Variants in PARP1 observed in about 807,000 individuals in gnomAD.
PARP1 encodes the protein poly(ADP-ribose) polymerase 1, also known as poly [ADP-ribose] polymerase 1.
Under a neutral mutation model 118.7 loss-of-function variants are expected in PARP1, and 44 were observed. That is an observed-to-expected ratio of 0.37 (90% confidence interval 0.29 to 0.48). PARP1 has a LOEUF of 0.48. PARP1 is among the 20% of genes least tolerant of loss of function. PARP1 has a pLI of 0.99. For missense variants in PARP1, 1,100 were observed against 1,272.4 expected, an observed-to-expected ratio of 0.86 and a Z score of 2.06; for synonymous variants, 492 against 483.2, an observed-to-expected ratio of 1.02 and a Z score of -0.24.
At chr1:226,369,635 A>C (rs1220826451) in intron 15 of PARP1, among the ~76,000 whole-genome samples, 1 of 152,160 alleles carries the variant, frequency 6.6e-6, no homozygotes, top group Non-Finnish European at 1.5e-5. Flanking sequence ...TGCAGTTGAG[A>C]ATTCAACCAA....
intron 8 of PARP1, among the ~76,000 whole-genome samples, chr1:226,382,621 G>A (rs1279433590): frequency 6.6e-6 from 1 of 152,176 alleles, no homozygotes; most frequent in African/African-American, 2.4e-5. Context: ...TGACCTCCCA[G>A]GCTCAAGGGA....
intron 11 of PARP1, 90 bp downstream of exon 11, chr1:226,379,483 G>T: frequency 8.4e-7 from 1 of 1,185,418 alleles, no homozygotes; most frequent in Non-Finnish European, 1.3e-6. Flanking sequence ...ACTGCCCCAG[G>T]TATGCTGCGG....
chr1:226,374,764 T>G (rs935241263), intron 13 of PARP1, among the ~76,000 whole-genome samples: 2 of 152,190 alleles, frequency 1.3e-5, no homozygotes, highest in African/African-American at 4.8e-5. Flanking sequence ...TCCTTCTCTT[T>G]TCTCTTACAC....
In PARP1 at chr1:226,373,816, G is replaced by A. The variant is rs3219108; in HGVS notation, c.2070+410C>T. Among the ~76,000 whole-genome samples, 17 of 152,254 alleles carry A rather than the reference G, an allele frequency of 1.1e-4. No individual in the cohort carries two copies. The East Asian group carries it at 3.3e-3, about 29-fold the overall frequency. On this transcript the variant is annotated intron_variant, in intron 14 of 22. Coordinates refer to ENST00000366794, the MANE Select transcript of PARP1 (RefSeq NM_001618.4). ...ATACACCTTGCCACAGCATGAAGAAGGGGAAAAATACAAAGGGTGGGCCGG... is the reference window on the plus strand; with the variant it reads ...ATACACCTTGCCACAGCATGAAGAAAGGGAAAAATACAAAGGGTGGGCCGG...
intron 2 of PARP1, 74 bp from the exon 3 acceptor site, chr1:226,392,388 C>T (rs1022687918): frequency 9.9e-7 from 1 of 1,007,588 alleles, no homozygotes; most frequent in Non-Finnish European, 1.6e-6. Flanking sequence ...CCGTCCTCTT[C>T]TACCTCCCCA....
chr1:226,383,023 C>T lies in PARP1; in HGVS notation c.1159+13G>A. ...GCAAAGCAGCTCTAAGACCGGGGTC[C>T]CAAATGCTGTACCTGCTGAAGCAGA... On this transcript the variant is annotated intron_variant, in intron 8 of 22. Coordinates refer to ENST00000366794, the MANE Select transcript of PARP1 (RefSeq NM_001618.4). The T allele has an allele frequency of 6.8e-6, 11 of 1,612,548 alleles. No homozygotes were observed. The highest frequency in any genetic ancestry group is 9.3e-6 in the Non-Finnish European group (11 of 1,179,882).
chr1:226,374,380 G>A (rs2102732469), intron 13 of PARP1, 26 bp from the exon 14 acceptor site: 1 of 1,614,148 alleles, frequency 6.2e-7, no homozygotes, highest in Non-Finnish European at 8.5e-7. Flanking sequence ...ACATTGCTAA[G>A]AGACCCAAAT....
At chr1:226,367,145 C>A in intron 17 of PARP1, 1 of 368,678 alleles carries the variant, frequency 2.7e-6, no homozygotes, top group Non-Finnish European at 5.2e-6. Flanking sequence ...AAAAACAGAG[C>A]TCCTCTCTAG....
intron 1 of PARP1, among the ~76,000 whole-genome samples, chr1:226,405,629 T>G (rs151026927): frequency 6.6e-6 from 1 of 151,936 alleles, no homozygotes; most frequent in African/African-American, 2.4e-5. Context: ...CTTGATCAGG[T>G]TCAGTTTCCT....
At chr1:226,388,859 G>T in intron 4 of PARP1, 104 bp from the exon 5 acceptor site, 1 of 884,358 alleles carries the variant, frequency 1.1e-6, no homozygotes, top group Non-Finnish European at 1.9e-6. Context: ...TCAACTCCCT[G>T]TAGGGCCTAC....
At chr1:226,391,414 T>A (rs1664817797) in intron 3 of PARP1, among the ~76,000 whole-genome samples, 1 of 151,912 alleles carries the variant, frequency 6.6e-6, no homozygotes, top group African/African-American at 2.4e-5. Context: ...CCCAGGAGAG[T>A]TCCAGGCCTG....
At chr1:226,390,661 C>T (rs756553571) in intron 3 of PARP1, 37 bp from the exon 4 acceptor site, 5 of 1,587,978 alleles carry the variant, frequency 3.1e-6, no homozygotes, top group South Asian at 2.2e-5. Flanking sequence ...AAGGGAGCGA[C>T]AAGCAAGGAT....
At chr1:226,366,118 C>T in intron 17 of PARP1, 66 bp from the exon 18 acceptor site, 2 of 1,064,640 alleles carry the variant, frequency 1.9e-6, no homozygotes, top group South Asian at 2.5e-5. Context: ...GAGGAATGCT[C>T]AGGCTCAGTC....
chr1:226,378,227 A>G (rs1258861877), intron 12 of PARP1, among the ~76,000 whole-genome samples: 1 of 152,090 alleles, frequency 6.6e-6, no homozygotes, highest in South Asian at 2.1e-4. Context: ...TTCCTTCCAC[A>G]TGCCTTTACA....
chr1:226,386,848 T>C (rs1664725886), intron 5 of PARP1, among the ~76,000 whole-genome samples: 1 of 152,210 alleles, frequency 6.6e-6, no homozygotes. Context: ...AGAGTAGGAA[T>C]GATTCGCAAA....
chr1:226,364,999 T>C lies in PARP1; in HGVS notation c.2658+3A>G, dbSNP rs1184709664. The stretch of plus-strand genomic sequence containing the variant: ...CCCACCCCTCGCCAGGCCAGGCACA[T>C]ACCACGGGCGCTTCAGGCGGGGCTA... On this transcript the variant is annotated splice_donor_region_variant and intron_variant, in intron 19 of 22. Coordinates refer to ENST00000366794, the MANE Select transcript of PARP1 (RefSeq NM_001618.4). 1.2e-6 allele frequency: 2 copies of C among 1,613,558 alleles called. No homozygotes were observed. The highest frequency in any genetic ancestry group is 1.7e-6 in the Non-Finnish European group (2 of 1,180,052).
intron 12 of PARP1, 110 bp downstream of exon 12, chr1:226,379,032 A>T: frequency 7.5e-7 from 1 of 1,332,302 alleles, no homozygotes; most frequent in South Asian, 1.2e-5. Context: ...ATTAGATTTC[A>T]TTCCCCAGGC....
chr1:226,388,147 A>T (rs1446511952), intron 5 of PARP1, among the ~76,000 whole-genome samples: 1 of 152,236 alleles, frequency 6.6e-6, no homozygotes, highest in African/African-American at 2.4e-5. Context: ...GTCAAGGACC[A>T]CTGATTTAAT....
At chr1:226,406,841 T>C (rs1226042217) in intron 1 of PARP1, among the ~76,000 whole-genome samples, 3 of 152,192 alleles carry the variant, frequency 2.0e-5, no homozygotes, top group East Asian at 3.8e-4. Context: ...CCCTCCCTTG[T>C]ACTAAGTACT....
Sources: gnomAD v4.1 joint callset for allele counts (sites outside exome capture counted in the v4.1 genomes callset) on GRCh38, gnomAD v4.1.1 for gene constraint, MANE v1.5 for transcripts, NCBI Gene and HGNC (gene_info 2026-07-23, HGNC 2026-07-21) for gene names.